Variants in CLASP1 observed in about 807,000 individuals in gnomAD.
CLASP1 encodes the protein CLIP-associating protein 1.
Under a neutral mutation model 192.3 loss-of-function variants are expected in CLASP1, and 38 were observed. That is an observed-to-expected ratio of 0.20 (90% confidence interval 0.15 to 0.26). The LOEUF is 0.26. Ranked by LOEUF, CLASP1 falls within the 10% of genes least tolerant of loss-of-function variation. CLASP1 has a pLI of 1.00. For missense variants in CLASP1, 1,433 were observed against 1,932.5 expected (o/e 0.74, Z 4.85); for synonymous variants, 691 against 712.8 (o/e 0.97, Z 0.49).
At chr2:121,607,023 T>G (rs1201101528) in intron 1 of CLASP1, among the ~76,000 whole-genome samples, 5 of 151,726 alleles carry the variant, frequency 3.3e-5, no homozygotes, top group Admixed American at 2.0e-4. Context: ...GCCACTGTAC[T>G]CCAGCCTGGG....
chr2:121,374,101 T>C (rs2069402887), intron 34 of CLASP1, among the ~76,000 whole-genome samples: 1 of 151,888 alleles, frequency 6.6e-6, no homozygotes. Flanking sequence ...AGAGGGAAAA[T>C]GGTTTTGTGG....
At chr2:121,567,599 G>A (rs1388312086) in intron 2 of CLASP1, among the ~76,000 whole-genome samples, 3 of 152,180 alleles carry the variant, frequency 2.0e-5, no homozygotes, top group African/African-American at 7.2e-5. Flanking sequence ...GTCCTCCCGT[G>A]CAAACGTCTC....
chr2:121,343,491 G>A (rs1263537615), intron 39 of CLASP1, among the ~76,000 whole-genome samples: 3 of 152,170 alleles, frequency 2.0e-5, no homozygotes, highest in Non-Finnish European at 4.4e-5. Context: ...GTCTTGAAAA[G>A]GAAGGAAATT....
At chr2:121,507,881 T>C (rs1255761758) in intron 7 of CLASP1, among the ~76,000 whole-genome samples, 4 of 152,116 alleles carry the variant, frequency 2.6e-5, no homozygotes. Context: ...AGATAATATA[T>C]TCAAAGTTCT....
Position 121,528,811 on chromosome 2 carries a change from A to G in CLASP1, c.275-31T>C, listed in dbSNP as rs1361737201. ...AATCAAAATGGAAACTGATCAAATG[A>G]AACCCTATTTGGGGGTCTGTGGTCA... On this transcript the variant is annotated intron_variant, in intron 3 of 39. Transcript: ENST00000263710. 17 of 1,554,964 alleles carry G rather than the reference A, an allele frequency of 1.1e-5. No individual in the cohort carries two copies. In the Admixed American group the frequency reaches 2.8e-4, roughly 26 times the overall value.
chr2:121,556,400 T>A (rs2058575375), intron 2 of CLASP1, among the ~76,000 whole-genome samples: 1 of 152,170 alleles, frequency 6.6e-6, no homozygotes. Context: ...CAAGCCCTCA[T>A]GATCTGACCT....
chr2:121,343,583 T>C (rs1466297387), intron 39 of CLASP1, among the ~76,000 whole-genome samples: 1 of 152,212 alleles, frequency 6.6e-6, no homozygotes, highest in Non-Finnish European at 1.5e-5. Context: ...ACATACGATG[T>C]AATTCCACTT....
intron 2 of CLASP1, among the ~76,000 whole-genome samples, chr2:121,567,411 G>A (rs1159892411): frequency 2.0e-5 from 3 of 152,140 alleles, no homozygotes; most frequent in East Asian, 3.8e-4. Context: ...AGCATTGCTC[G>A]GCACTATTTC....
At chr2:121,582,186 GAAAAAAGAAAGGAAGA>G (rs1171212992) in intron 2 of CLASP1, among the ~76,000 whole-genome samples, 2 of 150,332 alleles carry the variant, frequency 1.3e-5, no homozygotes, top group Non-Finnish European at 3.0e-5. Context: ...GGAAAAAAAG[GAAAAAAGAAAGGAAGA>G]AAAAAAGAAA....
intron 14 of CLASP1, among the ~76,000 whole-genome samples, chr2:121,457,247 A>T (rs1420251815): frequency 6.6e-6 from 1 of 152,206 alleles, no homozygotes; most frequent in Non-Finnish European, 1.5e-5. Flanking sequence ...ATGCAAACAC[A>T]TACCTTTCCC....
chr2:121,425,358 A>G, intron 21 of CLASP1, 52 bp from the exon 22 acceptor site: 1 of 1,489,358 alleles, frequency 6.7e-7, no homozygotes, highest in Non-Finnish European at 9.1e-7. Context: ...GTAGGAATGA[A>G]CTATAATACT....
intron 38 of CLASP1, among the ~76,000 whole-genome samples, chr2:121,347,849 T>C (rs2063650847): frequency 6.6e-6 from 1 of 152,176 alleles, no homozygotes; most frequent in East Asian, 1.9e-4. Context: ...GCAGCATTGA[T>C]TAAATGTGAT....
intron 2 of CLASP1, among the ~76,000 whole-genome samples, chr2:121,576,070 C>G (rs1185429627): frequency 2.0e-5 from 3 of 152,142 alleles, no homozygotes; most frequent in African/African-American, 7.2e-5. Flanking sequence ...TGTATTTGAC[C>G]ATCAAAAAAT....
At chr2:121,366,398 C>T (rs1161505603) in intron 35 of CLASP1, among the ~76,000 whole-genome samples, 2 of 152,240 alleles carry the variant, frequency 1.3e-5, no homozygotes, top group African/African-American at 4.8e-5. Context: ...AGTGATTAGG[C>T]TTTTAATCCC....
At position 121,340,774 on chromosome 2, in the gene CLASP1, C is replaced by A. The variant is rs2062687570; in HGVS notation, c.*87G>T. 7 of 989,614 alleles carry A rather than the reference C, an allele frequency of 7.1e-6. No individual in the cohort carries two copies. The Admixed American group carries it at 1.0e-4, about 14-fold the overall frequency. 61.3% of individuals were successfully genotyped at this position (989,614 alleles called of 1,614,324 possible). A position where few individuals can be genotyped will look rare whatever the true frequency, so the allele number is the denominator to read the frequency against. On this transcript the variant is annotated 3_prime_UTR_variant, in exon 40 of 40. Transcript: ENST00000263710. ...ATATTTGTGGGCCTCCTTGTACTGA[C>A]TGGGCAGCCGATGAAGGGGGTGGGG...
chr2:121,604,989 G>T (rs1004654219), intron 2 of CLASP1, among the ~76,000 whole-genome samples: 4 of 152,228 alleles, frequency 2.6e-5, no homozygotes, highest in Non-Finnish European at 5.9e-5. Flanking sequence ...ATGAGAATAG[G>T]GGAGGAAGCA....
chr2:121,647,685 G>A (rs1293470226), intron 1 of CLASP1, among the ~76,000 whole-genome samples: 6 of 152,180 alleles, frequency 3.9e-5, no homozygotes, highest in Non-Finnish European at 5.9e-5. Flanking sequence ...TGACATACTA[G>A]GAGATCTGGG....
intron 2 of CLASP1, among the ~76,000 whole-genome samples, chr2:121,550,130 G>A (rs1044843532): frequency 4.6e-5 from 7 of 151,150 alleles, no homozygotes; most frequent in Admixed American, 6.6e-5. Flanking sequence ...TAAATTATAC[G>A]ACATGCTCTT....
At chr2:121,427,985 A>C (rs1348074075) in intron 20 of CLASP1, among the ~76,000 whole-genome samples, 4 of 152,214 alleles carry the variant, frequency 2.6e-5, no homozygotes, top group Non-Finnish European at 5.9e-5. Context: ...TTATTAAAAT[A>C]ATTTTTTAAA....
Sources: gnomAD v4.1 joint callset for allele counts (sites outside exome capture counted in the v4.1 genomes callset) on GRCh38, gnomAD v4.1.1 for gene constraint, MANE v1.5 for transcripts, NCBI Gene and HGNC (gene_info 2026-07-23, HGNC 2026-07-21) for gene names.